SIL1: variants seen among roughly 807,000 people sequenced by gnomAD.
SIL1 encodes the protein nucleotide exchange factor SIL1.
Under a neutral mutation model 49.1 loss-of-function variants are expected in SIL1, and 40 were observed. The ratio of observed to expected loss-of-function variants is 0.81; its 90% CI spans 0.63 to 1.06. The LOEUF (loss-of-function observed/expected upper bound fraction) is 1.06, where lower values mean the gene tolerates loss of function less well. Among genes scored for constraint, SIL1 ranks in the 50% least tolerant of loss-of-function variants. SIL1 has a pLI of 0.00. For synonymous variants in SIL1, 253 were observed against 250.8 expected (o/e 1.01, Z -0.08); for missense variants, 500 against 572.6 (o/e 0.87, Z 1.29).
At chr5:139,196,646 C>T (rs1003214671) in intron 1 of SIL1, 2 of 152,218 alleles carry the variant, frequency 1.3e-5, no homozygotes, top group African/African-American at 4.8e-5. Flanking sequence ...GGGAGCAGAA[C>T]GTCTCTTCTA....
chr5:138,948,961 T>C lies in SIL1; in HGVS notation c.1030-1488A>G, dbSNP rs1766698600. On this transcript the variant is annotated intron_variant, in intron 9 of 9. Transcript: ENST00000394817. The surrounding 1 kb of genome is among the most constrained non-coding windows in gnomAD (Gnocchi z 4.8). ...CCCGCCAGATGCACCCACCCAATCG[T>C]GGATTTCCCAGCCTCCCGAATCATG... Among the ~76,000 whole-genome samples the C allele has an allele frequency of 6.6e-6, 1 of 152,192 alleles. No individual in the cohort carries two copies. The highest frequency in any genetic ancestry group is 1.5e-5 in the Non-Finnish European group (1 of 68,024).
chr5:138,999,193 A>T (rs1034636941), intron 7 of SIL1, among the ~76,000 whole-genome samples: 2 of 152,162 alleles, frequency 1.3e-5, no homozygotes, highest in African/African-American at 2.4e-5. Context: ...GGAGGGGACA[A>T]ATATCCACAC....
At chr5:139,001,605 T>C (rs1767984979) in intron 7 of SIL1, among the ~76,000 whole-genome samples, 1 of 152,254 alleles carries the variant, frequency 6.6e-6, no homozygotes, top group South Asian at 2.1e-4. Flanking sequence ...TATGACAAAC[T>C]ATAAAGAACA....
At chr5:139,089,863 T>C (rs967453661) in intron 3 of SIL1, among the ~76,000 whole-genome samples, 40 of 152,190 alleles carry the variant, frequency 2.6e-4, no homozygotes, top group Admixed American at 2.0e-4. Context: ...GATGAAAATG[T>C]TTTCGGATTA....
intron 3 of SIL1, among the ~76,000 whole-genome samples, chr5:139,073,818 T>A (rs1769885653): frequency 6.6e-6 from 1 of 151,392 alleles, no homozygotes; most frequent in Non-Finnish European, 1.5e-5. Flanking sequence ...CCCAGCTACT[T>A]GGGAGGCTGG....
intron 7 of SIL1, among the ~76,000 whole-genome samples, chr5:139,013,320 G>T (rs1207359000): frequency 2.0e-5 from 3 of 152,122 alleles, no homozygotes; most frequent in Non-Finnish European, 4.4e-5. Flanking sequence ...AGATCTGCAG[G>T]CATTTTTCTC....
intron 7 of SIL1, among the ~76,000 whole-genome samples, chr5:138,990,065 G>A (rs1767725268): frequency 2.0e-5 from 3 of 152,276 alleles, no homozygotes; most frequent in African/African-American, 7.2e-5. Context: ...CAGGGCTTGC[G>A]TCTTCCTGCC....
chr5:139,161,370 T>C (rs937880677), intron 1 of SIL1, among the ~76,000 whole-genome samples: 1 of 151,876 alleles, frequency 6.6e-6, no homozygotes, highest in Non-Finnish European at 1.5e-5. Flanking sequence ...TAGTGAAGAG[T>C]AGACAACATC....
chr5:139,059,140 C>T (rs1025039684), intron 3 of SIL1, among the ~76,000 whole-genome samples: 3 of 152,154 alleles, frequency 2.0e-5, no homozygotes, highest in Admixed American at 6.5e-5. Flanking sequence ...TGTGTCTCCA[C>T]TTAAATCTCA....
At chr5:139,062,572 C>T (rs1196052289) in intron 3 of SIL1, among the ~76,000 whole-genome samples, 2 of 152,190 alleles carry the variant, frequency 1.3e-5, no homozygotes, top group Admixed American at 1.3e-4. Flanking sequence ...TCATCCACAG[C>T]ACCCTAACCC....
chr5:138,976,216 C>T (rs1208922604), intron 7 of SIL1, among the ~76,000 whole-genome samples: 2 of 152,176 alleles, frequency 1.3e-5, no homozygotes, highest in African/African-American at 4.8e-5. Context: ...CCTCTGCCTC[C>T]AGTCAGGATG....
At chr5:139,003,226 C>A (rs971849291) in intron 7 of SIL1, among the ~76,000 whole-genome samples, 6 of 152,120 alleles carry the variant, frequency 3.9e-5, no homozygotes, top group African/African-American at 1.2e-4. Context: ...TCTCCCACCC[C>A]CCAACTCCCA....
intron 1 of SIL1, among the ~76,000 whole-genome samples, chr5:139,144,077 G>A (rs1751145900): frequency 6.6e-6 from 1 of 152,196 alleles, no homozygotes; most frequent in South Asian, 2.1e-4. Flanking sequence ...CAAAATTCCA[G>A]TGGATTTTTT....
At chr5:139,062,250 T>C (rs185342775) in intron 3 of SIL1, among the ~76,000 whole-genome samples, 22 of 152,172 alleles carry the variant, frequency 1.4e-4, no homozygotes, top group Admixed American at 2.6e-4. Flanking sequence ...ACCTTTTTTT[T>C]AAACAGCAAA....
At chr5:139,134,234 C>G (rs1012842827) in intron 1 of SIL1, among the ~76,000 whole-genome samples, 2 of 152,250 alleles carry the variant, frequency 1.3e-5, no homozygotes, top group African/African-American at 4.8e-5. Context: ...CCTCCCATCT[C>G]AGCCTCCTGA....
At chr5:139,128,072 C>A in intron 1 of SIL1, 1 of 568,028 alleles carries the variant, frequency 1.8e-6, no homozygotes, top group Non-Finnish European at 3.3e-6. Context: ...ACCATACAGT[C>A]GATCAGGACT....
intron 1 of SIL1, among the ~76,000 whole-genome samples, chr5:139,159,400 G>C (rs1751464922): frequency 1.3e-5 from 2 of 152,184 alleles, no homozygotes; most frequent in African/African-American, 4.8e-5. Context: ...TGAAACGTAA[G>C]ACCATGAAAG....
intron 3 of SIL1, among the ~76,000 whole-genome samples, chr5:139,070,907 A>G (rs933801867): frequency 8.5e-5 from 13 of 152,204 alleles, no homozygotes; most frequent in African/African-American, 2.9e-4. Context: ...TTATAAAAGT[A>G]GTGCAGCTAA....
chr5:139,151,711 C>A (rs1751304398), intron 1 of SIL1, among the ~76,000 whole-genome samples: 1 of 151,998 alleles, frequency 6.6e-6, no homozygotes, highest in African/African-American at 2.4e-5. Context: ...CAACCCACCA[C>A]CAAGGAAAGA....
Sources: allele counts gnomAD v4.1 joint callset (sites outside exome capture counted in the v4.1 genomes callset), GRCh38; gene constraint gnomAD v4.1.1; non-coding constraint Gnocchi (gnomAD v3.1); transcripts MANE v1.5; gene names NCBI Gene and HGNC (gene_info 2026-07-23, HGNC 2026-07-21).